The following PRDM6 variants were observed in gnomAD, a reference collection of about 807,000 sequenced individuals.
PRDM6 encodes putative histone-lysine N-methyltransferase PRDM6.
Under a neutral mutation model 60.8 loss-of-function variants are expected in PRDM6, and 25 were observed. The observed-to-expected ratio is 0.41, with a 90% CI of 0.30 to 0.57. The LOEUF (loss-of-function observed/expected upper bound fraction) is 0.57. Ranked by LOEUF, PRDM6 falls within the 20% of genes least tolerant of loss-of-function variation. PRDM6 has a pLI of 0.27. For synonymous variants in PRDM6, 407 were observed against 357.4 expected (o/e 1.14, Z -1.57); for missense variants, 839 against 821.3 (o/e 1.02, Z -0.26).
rs1166156487 is a variant in PRDM6 at position 123,187,417 on chromosome 5, T to A, written c.*216T>A. 5.2e-6 allele frequency: 2 copies of A among 381,008 alleles called. No individual in the cohort carries two copies. Among genetic ancestry groups the A allele is most frequent in the Non-Finnish European group, 9.8e-6 (2 of 203,640 alleles). 23.6% of individuals were successfully genotyped at this position (381,008 alleles called of 1,614,324 possible). ...ATTTATGACTTAGGGATGAGACTTATTTCAGTGGACAACTAACCTGGGATG... is the reference window on the plus strand; with the variant it reads ...ATTTATGACTTAGGGATGAGACTTAATTCAGTGGACAACTAACCTGGGATG... On this transcript the variant is annotated 3_prime_UTR_variant, in exon 8 of 8. Coordinates refer to ENST00000407847, the MANE Select transcript of PRDM6 (RefSeq NM_001136239.4).
intron 4 of PRDM6, 46 bp downstream of exon 4, chr5:123,156,057 G>C: frequency 6.6e-7 from 1 of 1,513,844 alleles, no homozygotes; most frequent in Non-Finnish European, 8.9e-7. Flanking sequence ...AAGCCATTTG[G>C]CTTGCATATA....
chr5:123,169,869 A>T (rs911423289), intron 5 of PRDM6, among the ~76,000 whole-genome samples: 6 of 152,186 alleles, frequency 3.9e-5, no homozygotes, highest in African/African-American at 1.4e-4. Flanking sequence ...AGCTAATAAG[A>T]GGAAGAGGCA....
At chr5:123,117,820 C>A (rs1035216403) in intron 3 of PRDM6, among the ~76,000 whole-genome samples, 1 of 152,232 alleles carries the variant, frequency 6.6e-6, no homozygotes, top group Admixed American at 6.5e-5. Context: ...AAGAGCTGGA[C>A]CAGAAATTGT....
At chr5:123,092,181 C>T (rs1202598978) in intron 2 of PRDM6, among the ~76,000 whole-genome samples, 1 of 152,200 alleles carries the variant, frequency 6.6e-6, no homozygotes, top group African/African-American at 2.4e-5. Flanking sequence ...ATTATACTCT[C>T]CCAACAGATT....
intron 6 of PRDM6, among the ~76,000 whole-genome samples, chr5:123,179,844 T>C (rs967456451): frequency 2.6e-5 from 4 of 152,174 alleles, no homozygotes; most frequent in African/African-American, 9.7e-5. Flanking sequence ...CTTTCCCTAC[T>C]TACAAAAGTA....
At chr5:123,095,811 G>C (rs1763944354) in intron 2 of PRDM6, among the ~76,000 whole-genome samples, 1 of 152,234 alleles carries the variant, frequency 6.6e-6, no homozygotes, top group Admixed American at 6.5e-5. Flanking sequence ...ACACATGACT[G>C]TTGGCCTCTC....
At chr5:123,114,093 C>T (rs934904312) in intron 3 of PRDM6, among the ~76,000 whole-genome samples, 46 of 152,214 alleles carry the variant, frequency 3.0e-4, no homozygotes, top group African/African-American at 1.1e-3. Context: ...AGGTGACTTC[C>T]CGCCAGAAAG....
chr5:123,153,744 T>A (rs1765428968), intron 3 of PRDM6, among the ~76,000 whole-genome samples: 1 of 152,144 alleles, frequency 6.6e-6, no homozygotes. Flanking sequence ...ACACTTTTCA[T>A]ACTAATTTTC....
At chr5:123,184,449 C>T (rs1398172139) in intron 7 of PRDM6, among the ~76,000 whole-genome samples, 1 of 152,184 alleles carries the variant, frequency 6.6e-6, no homozygotes, top group African/African-American at 2.4e-5. Context: ...GCTGTGGCAT[C>T]AGCACCTATG....
intron 3 of PRDM6, among the ~76,000 whole-genome samples, chr5:123,110,570 T>TC (rs1764290495): frequency 4.5e-5 from 6 of 133,492 alleles, no homozygotes; most frequent in Non-Finnish European, 8.0e-5. Flanking sequence ...TTTTTTTTCT[T>TC]TTTTTTTTTT....
intron 3 of PRDM6, among the ~76,000 whole-genome samples, chr5:123,139,614 A>C (rs757663624): frequency 1.3e-5 from 2 of 152,058 alleles, no homozygotes; most frequent in African/African-American, 4.8e-5. Flanking sequence ...TATATGCTGA[A>C]CCAGTCCTCA....
intron 6 of PRDM6, among the ~76,000 whole-genome samples, chr5:123,179,151 T>G (rs1379573676): frequency 6.6e-6 from 1 of 152,226 alleles, no homozygotes; most frequent in African/African-American, 2.4e-5. Context: ...GAAGAACTTC[T>G]GTAGAGAAGA....
chr5:123,162,110 G>C (rs956684492), intron 5 of PRDM6, among the ~76,000 whole-genome samples: 1 of 152,214 alleles, frequency 6.6e-6, no homozygotes, highest in African/African-American at 2.4e-5. Flanking sequence ...AGGATGGCAT[G>C]ACCACTTACT....
chr5:123,191,966 G>T lies in PRDM6; in HGVS notation c.*4765G>T, dbSNP rs1176008603. 6.6e-6 allele frequency: 1 copy of T among 152,142 alleles called. No individual in the cohort carries two copies. Among genetic ancestry groups the T allele is most frequent in the Non-Finnish European group, 1.5e-5 (1 of 68,016 alleles). The allele number at this position is 152,142 out of a possible 1,614,324, so 9.4% of individuals were successfully genotyped here. A position where few individuals can be genotyped will look rare whatever the true frequency, so the allele number is the denominator to read the frequency against. ...TAGTTTCTTCCTTTAAATAATAAAT[G>T]CCAGATGTTTCATCAGATCAATATG... On this transcript the variant is annotated 3_prime_UTR_variant, in exon 8 of 8. Transcript: ENST00000407847.
intron 3 of PRDM6, among the ~76,000 whole-genome samples, chr5:123,107,687 G>A (rs1483534009): frequency 6.6e-6 from 1 of 152,172 alleles, no homozygotes. Context: ...TTAGAAAATT[G>A]TTTAACACAG....
chr5:123,184,696 T>C (rs115401757), intron 7 of PRDM6, among the ~76,000 whole-genome samples: 1 of 152,210 alleles, frequency 6.6e-6, no homozygotes, highest in Admixed American at 6.5e-5. Context: ...CATTAAAGTA[T>C]GAAAATATTT....
chr5:123,090,706 G>T, intron 2 of PRDM6, 100 bp downstream of exon 2: 1 of 612,536 alleles, frequency 1.6e-6, no homozygotes, highest in Middle Eastern at 4.6e-4. Flanking sequence ...GGAGTGACAC[G>T]GGGCCGGGTG....
chr5:123,090,498 G>C lies in PRDM6; in HGVS notation c.484G>C (p.Gly162Arg). Residue 162 changes from glycine to arginine, a missense_variant, in exon 2 of 8, where the codon GGC becomes CGC. Gly to Arg is a moderately radical substitution (Grantham distance 125). Around this residue, in one of 2 missense-constraint regions of PRDM6, gnomAD observed 730 missense variants for 648.8 expected, o/e 1.13. Coordinates refer to ENST00000407847, the MANE Select transcript of PRDM6 (RefSeq NM_001136239.4). Reference sequence around the variant, plus strand: ...TGGCGGCGGCGGCGGGGAGGGTCGCGGCGCCCCGCGCTTCCGCTGCAGCGC... The same window carrying C: ...TGGCGGCGGCGGCGGGGAGGGTCGCCGCGCCCCGCGCTTCCGCTGCAGCGC... ...GGGGGGGEGR[G>R]APRFRCSAEE... The C allele has an allele frequency of 8.1e-6, 12 of 1,488,796 alleles. No individual in the cohort carries two copies. Among genetic ancestry groups the C allele is most frequent in the Non-Finnish European group, 1.1e-5 (12 of 1,128,052 alleles). The allele number at this position is 1,488,796 out of a possible 1,614,324, so 92.2% of individuals were successfully genotyped here.
intron 3 of PRDM6, among the ~76,000 whole-genome samples, chr5:123,138,073 G>A (rs1275640335): frequency 3.3e-5 from 5 of 152,114 alleles, no homozygotes; most frequent in African/African-American, 1.2e-4. Context: ...TTATGTGACA[G>A]CCCACATGGT....
Sources: gnomAD v4.1 joint callset for allele counts (sites outside exome capture counted in the v4.1 genomes callset) on GRCh38, gnomAD v4.1.1 for gene constraint, gnomAD v4.1.1 regional missense constraint, MANE v1.5 for transcripts, NCBI Gene and HGNC (gene_info 2026-07-23, HGNC 2026-07-21) for gene names.